TTC28: variants seen among roughly 807,000 people sequenced by gnomAD.
The protein encoded by TTC28 is tetratricopeptide repeat protein 28.
In TTC28, 61 loss-of-function variants were observed where a neutral mutation model predicts 198.0. The observed-to-expected ratio is 0.31, with a 90% CI of 0.25 to 0.38. The LOEUF (loss-of-function observed/expected upper bound fraction) is 0.38. Ranked by LOEUF, TTC28 falls within the 10% of genes least tolerant of loss-of-function variation. TTC28 has a pLI of 1.00. For synonymous variants in TTC28, 1,171 were observed against 1,297.8 expected (o/e 0.90, Z 2.10); for missense variants, 2,678 against 3,164.0 (o/e 0.85, Z 3.69).
intron 5 of TTC28, among the ~76,000 whole-genome samples, chr22:28,177,448 A>C (rs1923272345): frequency 6.6e-6 from 1 of 152,234 alleles, no homozygotes; most frequent in Non-Finnish European, 1.5e-5. Flanking sequence ...ACAGTTGGGC[A>C]ATTTCTTAGA....
chr22:28,101,671 G>T (rs1942156600), intron 8 of TTC28, among the ~76,000 whole-genome samples: 2 of 150,792 alleles, frequency 1.3e-5, no homozygotes, highest in Non-Finnish European at 2.9e-5. Flanking sequence ...TTTGCTTCAG[G>T]TGTCTATAAA....
intron 12 of TTC28, among the ~76,000 whole-genome samples, chr22:28,086,237 T>C (rs1438736211): frequency 6.6e-6 from 1 of 152,084 alleles, no homozygotes; most frequent in East Asian, 1.9e-4. Flanking sequence ...ACCACACCTA[T>C]TCCAAAATTG....
chr22:28,673,150 G>A (rs949116480), intron 1 of TTC28, among the ~76,000 whole-genome samples: 25 of 152,098 alleles, frequency 1.6e-4, no homozygotes, highest in African/African-American at 4.6e-4. Flanking sequence ...TGAGGCGGGC[G>A]GATCACGAGG....
intron 6 of TTC28, among the ~76,000 whole-genome samples, chr22:28,156,155 C>T (rs561882770): frequency 1.3e-5 from 2 of 152,248 alleles, no homozygotes; most frequent in East Asian, 3.9e-4. Flanking sequence ...ATCTCCAGAA[C>T]CTGTGAATGT....
At chr22:28,115,810 T>C (rs925963673) in intron 6 of TTC28, among the ~76,000 whole-genome samples, 6 of 152,212 alleles carry the variant, frequency 3.9e-5, no homozygotes, top group Non-Finnish European at 7.3e-5. Context: ...TTCAGTGACA[T>C]TGAGAGTTTG....
intron 2 of TTC28, among the ~76,000 whole-genome samples, chr22:28,513,155 T>C (rs900129538): frequency 1.3e-5 from 2 of 152,002 alleles, no homozygotes; most frequent in African/African-American, 4.8e-5. Flanking sequence ...GTCTGGAAAT[T>C]TTTTAATACT....
intron 5 of TTC28, among the ~76,000 whole-genome samples, chr22:28,236,243 T>C (rs965657297): frequency 3.9e-5 from 6 of 152,220 alleles, no homozygotes; most frequent in Admixed American, 3.9e-4. Context: ...GATTGGTGAC[T>C]TTTGCATTGA....
chr22:27,996,346 G>C lies in TTC28; in HGVS notation c.5120-87C>G, dbSNP rs1410714022. 3 of 1,495,072 alleles carry C rather than the reference G, an allele frequency of 2.0e-6. No homozygotes were observed. The Admixed American group carries it at 6.3e-5, about 31-fold the overall frequency. 92.6% of individuals were successfully genotyped at this position (1,495,072 alleles called of 1,614,324 possible). ...CTTCCAGGGCTCACTTACGCCTCGA[G>C]GTTAACCCAGCAGAAAGAGCAGGGC... On this transcript the variant is annotated intron_variant, in intron 16 of 22. Coordinates refer to ENST00000397906, the MANE Select transcript of TTC28 (RefSeq NM_001145418.2).
intron 3 of TTC28, 124 bp from the exon 4 acceptor site, chr22:28,297,976 A>C (rs1233942562): frequency 1.8e-6 from 2 of 1,122,356 alleles, no homozygotes; most frequent in African/African-American, 3.2e-5. Context: ...TTCAAGTATA[A>C]ACTCTTCAAC....
chr22:28,679,730 G>A lies in TTC28; in HGVS notation c.-7C>T, dbSNP rs1279835086. 10 of 1,229,432 alleles carry A rather than the reference G, an allele frequency of 8.1e-6. No individual in the cohort carries two copies. Among genetic ancestry groups the A allele is most frequent in the East Asian group, 3.3e-5 (1 of 30,234 alleles). 76.2% of individuals were successfully genotyped at this position (1,229,432 alleles called of 1,614,324 possible). On this transcript the variant is annotated 5_prime_UTR_variant, in exon 1 of 23. Transcript: ENST00000397906. ...GCGGCGGCGACTGCTCCATCCCCAC[G>A]GGGCCCGGGCCGCGTCCGCCTCGAG... is the stretch of plus-strand genomic sequence containing the variant.
At chr22:28,260,393 CA>C (rs139786808) in intron 5 of TTC28, among the ~76,000 whole-genome samples, 2,616 of 152,208 alleles carry the variant, frequency 0.017, 38 homozygotes, top group Non-Finnish European at 0.027. Context: ...CTTTCTATTA[CA>C]TATGTTTATA....
At chr22:28,405,052 CAG>C (rs1247159958) in intron 2 of TTC28, among the ~76,000 whole-genome samples, 4 of 152,150 alleles carry the variant, frequency 2.6e-5, no homozygotes, top group African/African-American at 9.7e-5. Flanking sequence ...TATCTTCACA[CAG>C]GGTTTTCTTG....
intron 1 of TTC28, among the ~76,000 whole-genome samples, chr22:28,662,091 T>C (rs2051758559): frequency 6.6e-6 from 1 of 152,218 alleles, no homozygotes; most frequent in Non-Finnish European, 1.5e-5. Context: ...ACATTGTAAT[T>C]AATTTCATCT....
At chr22:28,374,174 T>C (rs1199109970) in intron 2 of TTC28, among the ~76,000 whole-genome samples, 1 of 152,206 alleles carries the variant, frequency 6.6e-6, no homozygotes, top group Non-Finnish European at 1.5e-5. Context: ...AGAGAAGACA[T>C]TTGCTTTCAA....
At chr22:28,500,944 G>T (rs1371978494) in intron 2 of TTC28, among the ~76,000 whole-genome samples, 1 of 152,102 alleles carries the variant, frequency 6.6e-6, no homozygotes, top group African/African-American at 2.4e-5. Context: ...CCCTTAATTT[G>T]CTTGCAAACT....
At chr22:28,161,133 A>T (rs2147048352) in intron 6 of TTC28, among the ~76,000 whole-genome samples, 1 of 152,350 alleles carries the variant, frequency 6.6e-6, no homozygotes, top group East Asian at 1.9e-4. Flanking sequence ...AACTCAGAAG[A>T]TTTTAAAAAC....
intron 12 of TTC28, among the ~76,000 whole-genome samples, chr22:28,078,351 T>C (rs1240384894): frequency 6.6e-6 from 1 of 151,912 alleles, no homozygotes; most frequent in African/African-American, 2.4e-5. Flanking sequence ...ATGAACGGAG[T>C]CTGCTTACGG....
intron 2 of TTC28, among the ~76,000 whole-genome samples, chr22:28,328,550 T>C (rs2045566430): frequency 6.6e-6 from 1 of 151,590 alleles, no homozygotes; most frequent in African/African-American, 2.4e-5. Context: ...GGTTAGGAGT[T>C]CAAGACCAGC....
At chr22:28,341,155 T>C (rs2045822091) in intron 2 of TTC28, among the ~76,000 whole-genome samples, 1 of 152,210 alleles carries the variant, frequency 6.6e-6, no homozygotes, top group Non-Finnish European at 1.5e-5. Context: ...GTTCACTTGG[T>C]AATTCAGATG....
Sources: gnomAD v4.1 joint callset for allele counts (sites outside exome capture counted in the v4.1 genomes callset) on GRCh38, gnomAD v4.1.1 for gene constraint, MANE v1.5 for transcripts, NCBI Gene and HGNC (gene_info 2026-07-23, HGNC 2026-07-21) for gene names.